The following ADPRHL1 variants were observed in gnomAD, a reference collection of about 807,000 sequenced individuals.
The protein encoded by ADPRHL1 is inactive ADP-ribosyltransferase ARH2.
In ADPRHL1, 43 loss-of-function variants were observed where a neutral mutation model predicts 44.1. That is an observed-to-expected ratio of 0.98 (90% confidence interval 0.76 to 1.26). ADPRHL1 has a LOEUF of 1.26. Among genes scored for constraint, ADPRHL1 ranks in the 50% most tolerant of loss-of-function variants. The pLI is 0.00. For missense variants in ADPRHL1, 2,022 were observed against 2,496.9 expected, an observed-to-expected ratio of 0.81 and a Z score of 4.05; for synonymous variants, 878 against 1,017.4, an observed-to-expected ratio of 0.86 and a Z score of 2.61.
chr13:113,406,418 C>T lies in ADPRHL1; in HGVS notation c.2864G>A (p.Gly955Glu). Residue 955 changes from glycine (G) to glutamate (E), a missense_variant, in exon 8 of 8, where the codon GGG (glycine) becomes GAG (glutamate). Around this residue, in one of 8 missense-constraint regions of ADPRHL1, gnomAD observed 1,221 missense variants for 1,517.8 expected, o/e 0.80. Coordinates refer to ENST00000612156, the MANE Select transcript of ADPRHL1 (RefSeq NM_001394807.1). ...TQRLQTDPAG[G>E]KENKGSFENS... ...CTCAAAGCTGCCTTTGTTTTCCTTC[C>T]CGCCAGCAGGATCTGTCTGGAGTCT... 17 of 1,232,078 alleles carry T rather than the reference C, an allele frequency of 1.4e-5. No homozygotes were observed. The highest frequency in any genetic ancestry group is 1.7e-5 in the Non-Finnish European group (17 of 987,986). 76.3% of individuals were successfully genotyped at this position (1,232,078 alleles called of 1,614,324 possible).
At chr13:113,443,645 A>T (rs576116223) in intron 2 of ADPRHL1, among the ~76,000 whole-genome samples, 45 of 151,504 alleles carry the variant, frequency 3.0e-4, no homozygotes, top group Middle Eastern at 6.9e-3. Flanking sequence ...ATAAATGATT[A>T]AAAAAAATTT....
intron 7 of ADPRHL1, among the ~76,000 whole-genome samples, chr13:113,418,238 T>C (rs1024590611): frequency 3.3e-5 from 5 of 152,226 alleles, no homozygotes; most frequent in African/African-American, 1.2e-4. Flanking sequence ...GCCCCGCTTC[T>C]AGTGGAGCAT....
At chr13:113,429,196 G>C in intron 3 of ADPRHL1, 104 bp from the exon 4 acceptor site, 1 of 1,448,668 alleles carries the variant, frequency 6.9e-7, no homozygotes, top group Non-Finnish European at 9.3e-7. Flanking sequence ...GGGTTTGCTC[G>C]TTTTCCGTCT....
intron 1 of ADPRHL1, chr13:113,449,303 G>A: frequency 2.5e-6 from 2 of 802,854 alleles, no homozygotes; most frequent in Non-Finnish European, 3.0e-6. Context: ...CACCCGGAAG[G>A]AGTGAGCCCC....
rs1436577277 is a variant in ADPRHL1 at position 113,409,226 on chromosome 13, C to T, written c.1062-1006G>A. On this transcript the variant is annotated intron_variant, in intron 7 of 7. Coordinates refer to ENST00000612156, the MANE Select transcript of ADPRHL1 (RefSeq NM_001394807.1). This position sits in a 1 kb window ranked among gnomAD's most constrained non-coding sequence, Gnocchi z 4.2. ...GAGCCTGGGTCCGGGGTAAGTTCTGCTCCTGAGCAGCCGTGACCACAGGAG... is the reference window on the plus strand; with the variant it reads ...GAGCCTGGGTCCGGGGTAAGTTCTGTTCCTGAGCAGCCGTGACCACAGGAG... 5 of 906,942 alleles carry T rather than the reference C, an allele frequency of 5.5e-6. No individual in the cohort carries two copies. The highest frequency in any genetic ancestry group is 1.0e-4 in the South Asian group (2 of 19,854). 56.2% of individuals were successfully genotyped at this position (906,942 alleles called of 1,614,324 possible).
intron 2 of ADPRHL1, among the ~76,000 whole-genome samples, chr13:113,439,282 C>T (rs1252490358): frequency 2.6e-5 from 4 of 152,010 alleles, no homozygotes; most frequent in East Asian, 1.9e-4. Context: ...ACCACCACGC[C>T]CAGCTAATTT....
chr13:113,436,831 C>T (rs1232738856), intron 2 of ADPRHL1, among the ~76,000 whole-genome samples: 8 of 59,202 alleles, frequency 1.4e-4, no homozygotes, highest in Non-Finnish European at 2.3e-4. Context: ...GGCACCCAGG[C>T]GCAGGGTGAA....
intron 7 of ADPRHL1, among the ~76,000 whole-genome samples, chr13:113,411,533 C>T (rs188058852): frequency 6.6e-6 from 1 of 152,350 alleles, no homozygotes; most frequent in Non-Finnish European, 1.5e-5. Context: ...CAGCGGTGAG[C>T]GTGGAGGACG....
intron 7 of ADPRHL1, among the ~76,000 whole-genome samples, chr13:113,411,508 G>T (rs1337636162): frequency 1.3e-5 from 2 of 152,222 alleles, no homozygotes; most frequent in African/African-American, 2.4e-5. Flanking sequence ...GTGTCATCAA[G>T]ACCTGGCCAG....
chr13:113,416,450 G>A (rs964886735), intron 7 of ADPRHL1, among the ~76,000 whole-genome samples: 18 of 152,122 alleles, frequency 1.2e-4, no homozygotes, highest in African/African-American at 3.4e-4. Context: ...ATCCCAGGCT[G>A]ACTGAGGCCA....
rs979133454 is a variant in ADPRHL1, at chr13:113,405,070, C to T, written c.4212G>A (p.Ser1404=). 15 of 1,232,234 alleles carry T rather than the reference C, an allele frequency of 1.2e-5. No homozygotes were observed. Among genetic ancestry groups the T allele is most frequent in the Non-Finnish European group, 1.5e-5 (15 of 988,336 alleles). 76.3% of individuals were successfully genotyped at this position (1,232,234 alleles called of 1,614,324 possible). A position where few individuals can be genotyped will look rare whatever the true frequency, so the allele number is the denominator to read the frequency against. The change falls in exon 8 of 8, where the codon TCG becomes TCA. Residue 1404 remains serine (S), a synonymous_variant. Transcript: ENST00000612156. ...DAGKRVAPSG[S]KVVLNPAKEP... ...CTTTTGCTGGGTTCAGCACAACCTT[C>T]GAGCCCGACGGCGCCACCCTCTTCC...
In ADPRHL1 at chr13:113,400,358, A is replaced by G. The variant is rs2043750558; in HGVS notation, c.*3020T>C. ...ACAGGGTTTCACTGTGTTAGCCAGG[A>G]TGGTCTTGATCTCCTGACCTCGTGA... is the stretch of plus-strand genomic sequence containing the variant. On this transcript the variant is annotated 3_prime_UTR_variant, in exon 8 of 8. Coordinates refer to ENST00000612156, the MANE Select transcript of ADPRHL1 (RefSeq NM_001394807.1). The G allele has an allele frequency of 2.0e-5, 3 of 151,240 alleles. No individual in the cohort carries two copies. The highest frequency in any genetic ancestry group is 7.3e-5 in the African/African-American group (3 of 41,130). The allele number at this position is 151,240 out of a possible 1,614,324, so 9.4% of individuals were successfully genotyped here.
rs564599306 is a variant in ADPRHL1 at position 113,438,587 on chromosome 13, T to G, written c.380-4720A>C. On this transcript the variant is annotated intron_variant, in intron 2 of 7. Coordinates refer to ENST00000612156, the MANE Select transcript of ADPRHL1 (RefSeq NM_001394807.1). ...CACGCACCTGTAGTCCCAGCTACTC[T>G]GGAGGCTGAGGCAGGCGAATTGCTT... 3.3e-5 allele frequency among the ~76,000 whole-genome samples: 5 copies of G among 152,200 alleles called. No individual in the cohort carries two copies. The East Asian group carries it at 9.7e-4, about 29-fold the overall frequency.
At chr13:113,438,245 T>A (rs180975596) in intron 2 of ADPRHL1, among the ~76,000 whole-genome samples, 177 of 152,334 alleles carry the variant, frequency 1.2e-3, no homozygotes, top group African/African-American at 4.1e-3. Context: ...GCTACATTTT[T>A]AAAAATTTTA....
intron 3 of ADPRHL1, among the ~76,000 whole-genome samples, chr13:113,430,745 C>T (rs9670347): frequency 6.7e-6 from 1 of 148,514 alleles, no homozygotes; most frequent in Non-Finnish European, 1.5e-5. Context: ...GCACCAGTGG[C>T]GGGGGTGGCA....
In ADPRHL1 at chr13:113,433,799, C is replaced by G. The variant is rs1413923973; in HGVS notation, c.448G>C (p.Glu150Gln). Residue 150 changes from glutamate (E) to glutamine (Q), a missense_variant, in exon 3 of 8, where the codon GAG becomes CAG. By Grantham distance (29) the Glu-to-Gln change is conservative (BLOSUM62 2). Around this residue, in one of 8 missense-constraint regions of ADPRHL1, gnomAD observed 437 missense variants for 430.7 expected, o/e 1.01. Coordinates refer to ENST00000612156, the MANE Select transcript of ADPRHL1 (RefSeq NM_001394807.1). ...GLRYWKPERL[E>Q]TLIEVSVECG... Reference sequence around the variant, plus strand: ...TCCACGCTGACCTCGATGAGGGTCTCCAGCCGCTCAGGCTTCCAGTACCGC... The same window carrying G: ...TCCACGCTGACCTCGATGAGGGTCTGCAGCCGCTCAGGCTTCCAGTACCGC... 1 of 1,589,594 alleles carries G rather than the reference C, an allele frequency of 6.3e-7. No homozygotes were observed. The highest frequency in any genetic ancestry group is 1.7e-5 in the Admixed American group (1 of 57,338).
At chr13:113,442,900 C>G (rs1400458283) in intron 2 of ADPRHL1, among the ~76,000 whole-genome samples, 1 of 152,144 alleles carries the variant, frequency 6.6e-6, no homozygotes, top group Non-Finnish European at 1.5e-5. Context: ...GTGTGTCTCA[C>G]CGTGGATAGT....
At position 113,405,905 on chromosome 13, in the gene ADPRHL1, G is replaced by A; in HGVS notation, c.3377C>T (p.Pro1126Leu). 1 of 1,232,048 alleles carries A rather than the reference G, an allele frequency of 8.1e-7. No homozygotes were observed. The highest frequency in any genetic ancestry group is 4.1e-5 in the South Asian group (1 of 24,326). 76.3% of individuals were successfully genotyped at this position (1,232,048 alleles called of 1,614,324 possible). Residue 1126 changes from proline (P) to leucine (L), a missense_variant, in exon 8 of 8, where the codon CCT becomes CTT. Coordinates refer to ENST00000612156, the MANE Select transcript of ADPRHL1 (RefSeq NM_001394807.1). Reference protein sequence around the residue: ...AAGSVASRATPAPAPGSTQSP... With the variant: ...AAGSVASRATLAPAPGSTQSP... ...CTGGGTGCTGCCTGGCGCTGGTGCA[G>A]GCGTGGCGCGGCTCGCAACGCTCCC...
At position 113,404,838 on chromosome 13, in the gene ADPRHL1, G is replaced by A. The variant is rs752270292; in HGVS notation, c.4444C>T (p.Pro1482Ser). ...PPGEPEGPGS[P>S]AAQGQAQKQV... ...TTCTGGGCCTGTCCTTGGGCTGCCG[G>A]GCTTCCCGGCCCCTCGGGCTCCCCT... The change falls in exon 8 of 8, where the codon CCG becomes TCG. Residue 1482 changes from proline (P) to serine (S), a missense_variant. Pro to Ser is a moderately conservative substitution (Grantham distance 74). Around this residue, in one of 8 missense-constraint regions of ADPRHL1, gnomAD observed 1,221 missense variants for 1,517.8 expected, o/e 0.80. Transcript: ENST00000612156. 13 of 1,248,138 alleles carry A rather than the reference G, an allele frequency of 1.0e-5. No homozygotes were observed. Among genetic ancestry groups the A allele is most frequent in the Non-Finnish European group, 1.3e-5 (13 of 998,734 alleles). 77.3% of individuals were successfully genotyped at this position (1,248,138 alleles called of 1,614,324 possible). A position where few individuals can be genotyped will look rare whatever the true frequency, so the allele number is the denominator to read the frequency against.
Sources: allele counts gnomAD v4.1 joint callset (sites outside exome capture counted in the v4.1 genomes callset), GRCh38; gene constraint gnomAD v4.1.1; regional missense constraint gnomAD v4.1.1; non-coding constraint Gnocchi (gnomAD v3.1); transcripts MANE v1.5; gene names NCBI Gene and HGNC (gene_info 2026-07-23, HGNC 2026-07-21).